TMEM132D: variants seen among roughly 807,000 people sequenced by gnomAD.
TMEM132D encodes mature OL transmembrane protein.
TMEM132D carries 21 observed loss-of-function variants against 62.3 expected under a neutral mutation model. The observed-to-expected ratio is 0.34, with a 90% CI of 0.24 to 0.49. TMEM132D has a LOEUF of 0.49. TMEM132D is among the 20% of genes least tolerant of loss of function. TMEM132D has a pLI of 0.99. For missense variants in TMEM132D, 1,346 were observed against 1,402.8 expected (o/e 0.96, Z 0.65); for synonymous variants, 621 against 575.6 (o/e 1.08, Z -1.13).
intron 3 of TMEM132D, among the ~76,000 whole-genome samples, chr12:129,370,325 T>C (rs1566047782): frequency 6.6e-6 from 1 of 152,224 alleles, no homozygotes; most frequent in Admixed American, 6.5e-5. Flanking sequence ...GAATTGTCCT[T>C]ATTTTCACAA....
At chr12:129,216,206 G>T (rs1029873101) in intron 4 of TMEM132D, among the ~76,000 whole-genome samples, 6 of 152,120 alleles carry the variant, frequency 3.9e-5, no homozygotes, top group African/African-American at 1.4e-4. Flanking sequence ...CCCTAGATTT[G>T]GTGCGTTAGT....
intron 4 of TMEM132D, among the ~76,000 whole-genome samples, chr12:129,251,357 C>CAAAAAAAA (rs59666716): frequency 1.3e-5 from 1 of 79,782 alleles, no homozygotes; most frequent in Non-Finnish European, 2.3e-5. Context: ...GACACTGTCT[C>CAAAAAAAA]AAAAAAAAAA....
chr12:129,140,787 C>T (rs941167425), intron 5 of TMEM132D, among the ~76,000 whole-genome samples: 1 of 149,732 alleles, frequency 6.7e-6, no homozygotes, highest in African/African-American at 2.5e-5. Context: ...TGCTGTGAGC[C>T]GAGATTGTGC....
At chr12:129,300,347 A>G (rs4759608) in intron 4 of TMEM132D, among the ~76,000 whole-genome samples, 77,090 of 152,034 alleles carry the variant, frequency 0.51, 20,243 homozygotes, top group East Asian at 0.93. Context: ...ATCTATTGAG[A>G]TAAAAAGACA....
intron 5 of TMEM132D, among the ~76,000 whole-genome samples, chr12:129,200,436 T>C (rs2135560913): frequency 6.6e-6 from 1 of 152,284 alleles, no homozygotes; most frequent in African/African-American, 2.4e-5. Flanking sequence ...CCCTGAGAAC[T>C]CTTCCCTGCA....
intron 1 of TMEM132D, among the ~76,000 whole-genome samples, chr12:129,866,436 C>T (rs143387716): frequency 0.037 from 4,456 of 119,620 alleles, 126 homozygotes; most frequent in South Asian, 0.093. Flanking sequence ...CACACCGGGG[C>T]CTGTTGTGCG....
At chr12:129,799,929 G>A (rs1378640933) in intron 1 of TMEM132D, among the ~76,000 whole-genome samples, 1 of 152,116 alleles carries the variant, frequency 6.6e-6, no homozygotes, top group Admixed American at 6.5e-5. Flanking sequence ...TCATCTTTCT[G>A]CCAAAACTCA....
At chr12:129,464,513 TG>T (rs1873814959) in intron 3 of TMEM132D, among the ~76,000 whole-genome samples, 1 of 152,226 alleles carries the variant, frequency 6.6e-6, no homozygotes, top group Non-Finnish European at 1.5e-5. Flanking sequence ...TTGTTGCCAT[TG>T]CTTTTGGTGT....
intron 5 of TMEM132D, among the ~76,000 whole-genome samples, chr12:129,096,973 A>G (rs1875135866): frequency 6.6e-6 from 1 of 152,122 alleles, no homozygotes; most frequent in African/African-American, 2.4e-5. Flanking sequence ...GGCCTGGGTC[A>G]TAAGATCTCA....
rs2135572188 is a variant in TMEM132D at position 129,218,435 on chromosome 12, T to G, written c.1300-8772A>C. On this transcript the variant is annotated intron_variant, in intron 4 of 8. Coordinates refer to ENST00000422113, the MANE Select transcript of TMEM132D (RefSeq NM_133448.3). The stretch of plus-strand genomic sequence containing the variant: ...TAGCCTATTGTTCCTGGGCTACACA[T>G]CTGTATGGCAGGTGATTGCACAGAA... 2.0e-5 allele frequency among the ~76,000 whole-genome samples: 3 copies of G among 152,256 alleles called. No individual in the cohort carries two copies. In the Middle Eastern group the frequency reaches 0.01, roughly 518 times the overall value.
At chr12:129,342,069 T>C (rs553517152) in intron 3 of TMEM132D, among the ~76,000 whole-genome samples, 1 of 152,096 alleles carries the variant, frequency 6.6e-6, no homozygotes, top group Non-Finnish European at 1.5e-5. Flanking sequence ...GAATTGGAAA[T>C]AACTACTTTA....
intron 3 of TMEM132D, among the ~76,000 whole-genome samples, chr12:129,339,596 A>G (rs1000051758): frequency 2.0e-5 from 3 of 152,186 alleles, no homozygotes; most frequent in Admixed American, 6.5e-5. Context: ...TTTACATAAG[A>G]AAAGAATGCC....
At chr12:129,278,146 C>T (rs866402253) in intron 4 of TMEM132D, among the ~76,000 whole-genome samples, 1 of 152,276 alleles carries the variant, frequency 6.6e-6, no homozygotes, top group East Asian at 1.9e-4. Flanking sequence ...CCAATGGAAA[C>T]GATGAATGTG....
intron 5 of TMEM132D, among the ~76,000 whole-genome samples, chr12:129,126,356 C>T (rs866115922): frequency 1.5e-5 from 2 of 137,812 alleles, no homozygotes; most frequent in Admixed American, 7.1e-5. Flanking sequence ...CAGTTTCTCT[C>T]TCTTTTTTTT....
At chr12:129,331,795 T>C (rs1869113223) in intron 4 of TMEM132D, among the ~76,000 whole-genome samples, 1 of 152,230 alleles carries the variant, frequency 6.6e-6, no homozygotes, top group Non-Finnish European at 1.5e-5. Flanking sequence ...CTTGAAACAC[T>C]TGTTTTAGCC....
At chr12:129,829,625 G>A (rs1368258392) in intron 1 of TMEM132D, among the ~76,000 whole-genome samples, 1 of 152,130 alleles carries the variant, frequency 6.6e-6, no homozygotes, top group Non-Finnish European at 1.5e-5. Flanking sequence ...TTAGCCCCGT[G>A]TTTTCCCTTC....
intron 4 of TMEM132D, among the ~76,000 whole-genome samples, chr12:129,267,961 T>C (rs989169780): frequency 2.0e-5 from 3 of 152,172 alleles, no homozygotes; most frequent in African/African-American, 4.8e-5. Context: ...TAAATGGTGC[T>C]GGGAAAACTA....
chr12:129,888,057 A>G (rs1344589277), intron 1 of TMEM132D, among the ~76,000 whole-genome samples: 2 of 152,192 alleles, frequency 1.3e-5, no homozygotes, highest in Non-Finnish European at 2.9e-5. Context: ...CTCTCTTTCA[A>G]TAGAATTCTC....
intron 2 of TMEM132D, among the ~76,000 whole-genome samples, chr12:129,685,231 A>G (rs1880879131): frequency 6.6e-6 from 1 of 152,206 alleles, no homozygotes; most frequent in Non-Finnish European, 1.5e-5. Context: ...AGACCTTCAC[A>G]GTAGCCCTTC....
Sources: gnomAD v4.1 joint callset for allele counts (sites outside exome capture counted in the v4.1 genomes callset) on GRCh38, gnomAD v4.1.1 for gene constraint, MANE v1.5 for transcripts, NCBI Gene and HGNC (gene_info 2026-07-23, HGNC 2026-07-21) for gene names.